The following UGT1A7 variants were observed in gnomAD, a reference collection of about 807,000 sequenced individuals.
UGT1A7 encodes UDP-glucuronosyltransferase 1A7.
Under a neutral mutation model 45.6 loss-of-function variants are expected in UGT1A7, and 33 were observed. That is an observed-to-expected ratio of 0.72 (90% CI 0.55 to 0.97). The LOEUF is 0.97. Ranked by LOEUF, UGT1A7 falls within the 50% of genes least tolerant of loss-of-function variation. UGT1A7 has a pLI of 0.00. For synonymous variants in UGT1A7, 274 were observed against 250.6 expected (o/e 1.09, Z -0.88); for missense variants, 684 against 666.2 (o/e 1.03, Z -0.29).
At chr2:233,719,047 C>A in intron 1 of UGT1A7, 2 of 1,614,252 alleles carry the variant, frequency 1.2e-6, no homozygotes, top group Non-Finnish European at 1.7e-6. Flanking sequence ...AAATTTTTCA[C>A]CCTGACAGCC....
rs1047777533 is a variant in UGT1A7 at position 233,760,225 on chromosome 2, G to T, written c.856-6809G>T. ...AAACATTAACTTGGTGTATCGATTG[G>T]TTTTTGCCATATATATATATATAAG... On this transcript the variant is annotated intron_variant, in intron 1 of 4. Coordinates refer to ENST00000373426, the MANE Select transcript of UGT1A7 (RefSeq NM_019077.3). 3.2e-6 allele frequency: 5 copies of T among 1,585,120 alleles called. No individual in the cohort carries two copies. The African/African-American group carries it at 4.5e-5, about 14-fold the overall frequency.
chr2:233,760,258 G>C (rs1164776908), intron 1 of UGT1A7: 2 of 1,611,088 alleles, frequency 1.2e-6, no homozygotes, highest in Non-Finnish European at 1.7e-6. Context: ...AAGTAGGAGA[G>C]GGCGAACCTC....
chr2:233,725,707 A>G (rs1000435706), intron 1 of UGT1A7, among the ~76,000 whole-genome samples: 2 of 152,208 alleles, frequency 1.3e-5, no homozygotes, highest in Non-Finnish European at 2.9e-5. Flanking sequence ...GTAGTTAGTG[A>G]CTACCATATG....
rs993277218 is a variant in UGT1A7 at position 233,747,483 on chromosome 2, C to T, written c.856-19551C>T. 8 of 1,608,492 alleles carry T rather than the reference C, an allele frequency of 5.0e-6. No individual in the cohort carries two copies. The Admixed American group carries it at 5.0e-5, about 10-fold the overall frequency. Reference sequence around the variant, plus strand: ...TTCATGGACCCAGGATGAATTTGATCGCCTTGTGCTGGGCCACACTCAACT... The same window carrying T: ...TTCATGGACCCAGGATGAATTTGATTGCCTTGTGCTGGGCCACACTCAACT... On this transcript the variant is annotated intron_variant, in intron 1 of 4. Coordinates refer to ENST00000373426, the MANE Select transcript of UGT1A7 (RefSeq NM_019077.3).
intron 1 of UGT1A7, among the ~76,000 whole-genome samples, chr2:233,707,431 T>G (rs1252673203): frequency 1.3e-5 from 2 of 152,174 alleles, no homozygotes; most frequent in Non-Finnish European, 2.9e-5. Flanking sequence ...TTCTTTGCTT[T>G]TCTTTACAAT....
At chr2:233,744,493 T>G (rs1190368915) in intron 1 of UGT1A7, among the ~76,000 whole-genome samples, 2 of 152,058 alleles carry the variant, frequency 1.3e-5, no homozygotes, top group Admixed American at 1.3e-4. Context: ...GGCAATTTAG[T>G]AAGAATAAAC....
In UGT1A7 at chr2:233,772,637, A is replaced by G; in HGVS notation, c.*78A>G. ...AACTTGAAAACAGAATCAGTGTTAA[A>G]TTCATTTTATTCTTATTAAGGAAAT... On this transcript the variant is annotated 3_prime_UTR_variant, in exon 5 of 5. Transcript: ENST00000373426. The G allele has an allele frequency of 1.5e-5, 23 of 1,552,946 alleles. No individual in the cohort carries two copies. Among genetic ancestry groups the G allele is most frequent in the Non-Finnish European group, 2.0e-5 (23 of 1,148,470 alleles).
chr2:233,712,151 A>G (rs1476904352), intron 1 of UGT1A7, among the ~76,000 whole-genome samples: 5 of 152,214 alleles, frequency 3.3e-5, no homozygotes, highest in Non-Finnish European at 2.9e-5. Context: ...TCAGAAGAGG[A>G]ATTCAGACTG....
Position 233,718,901 on chromosome 2 carries a change from G to T in UGT1A7, c.855+36109G>T, listed in dbSNP as rs377204506. On this transcript the variant is annotated intron_variant, in intron 1 of 4. Coordinates refer to ENST00000373426, the MANE Select transcript of UGT1A7 (RefSeq NM_019077.3). Reference sequence around the variant, plus strand: ...TCCTCAGTGTCCAGCCCTGGGCTGAGAGTGGAAAGGTGTTGGTGGTGCCCA... The same window carrying T: ...TCCTCAGTGTCCAGCCCTGGGCTGATAGTGGAAAGGTGTTGGTGGTGCCCA... The T allele has an allele frequency of 2.5e-6, 4 of 1,613,936 alleles. No individual in the cohort carries two copies. The South Asian group carries it at 4.4e-5, about 18-fold the overall frequency.
chr2:233,720,461 C>T (rs1003798976), intron 1 of UGT1A7, among the ~76,000 whole-genome samples: 2 of 151,944 alleles, frequency 1.3e-5, no homozygotes, highest in African/African-American at 4.8e-5. Flanking sequence ...AAGCTGGGAC[C>T]AGTGATGAAT....
intron 1 of UGT1A7, among the ~76,000 whole-genome samples, chr2:233,752,746 AAAACAAAC>A (rs200752387): frequency 7.9e-5 from 12 of 152,308 alleles, no homozygotes; most frequent in East Asian, 1.9e-4. Context: ...CCCTGTCTCT[AAAACAAAC>A]AAACAAACAA....
intron 1 of UGT1A7, among the ~76,000 whole-genome samples, chr2:233,706,502 G>A (rs2075911233): frequency 6.6e-6 from 1 of 152,232 alleles, no homozygotes; most frequent in Non-Finnish European, 1.5e-5. Context: ...AGGCTGGTGT[G>A]ATGCTGAGGA....
In UGT1A7 at chr2:233,768,243, A is replaced by G. The variant is rs748989741; in HGVS notation, c.1099A>G (p.Ile367Val). 8 of 1,614,146 alleles carry G rather than the reference A, an allele frequency of 5.0e-6. No individual in the cohort carries two copies. In the South Asian group the frequency reaches 7.7e-5, roughly 16 times the overall value. Residue 367 changes from isoleucine (I) to valine (V), a missense_variant, in exon 4 of 5, where the codon ATC (isoleucine) becomes GTC (valine). Ile to Val is a conservative substitution (Grantham distance 29). Transcript: ENST00000373426. ...LLGHPMTRAF[I>V]THAGSHGVYE... is the part of the protein sequence containing the mutation. ...AGGTCACCCGATGACCCGTGCCTTT[A>G]TCACCCATGCTGGTTCCCATGGTGT...
rs781661199 is a variant in UGT1A7, at chr2:233,681,954, G to C, written c.17G>C (p.Trp6Ser). The C allele has an allele frequency of 3.7e-6, 6 of 1,613,888 alleles. No individual in the cohort carries two copies. The Admixed American group carries it at 6.7e-5, about 18-fold the overall frequency. The change falls in exon 1 of 5, where the codon TGG becomes TCG. Residue 6 changes from tryptophan (W) to serine (S), a missense_variant. Coordinates refer to ENST00000373426, the MANE Select transcript of UGT1A7 (RefSeq NM_019077.3). ...AGTTCTCTGATGGCTCGTGCAGGGT[G>C]GACTGGCCTCCTTCCCCTATATGTG... is the stretch of plus-strand genomic sequence containing the variant. MARAG[W>S]TGLLPLYVCL...
At chr2:233,757,561 T>TATATATATATATATATATATATATAC (rs71058576) in intron 1 of UGT1A7, among the ~76,000 whole-genome samples, 1 of 121,178 alleles carries the variant, frequency 8.3e-6, no homozygotes, top group Non-Finnish European at 1.7e-5. Context: ...TATATATATA[T>TATATATATATATATATATATATATAC]GTATATATGA....
At chr2:233,694,868 T>C (rs2075244485) in intron 1 of UGT1A7, among the ~76,000 whole-genome samples, 3 of 152,222 alleles carry the variant, frequency 2.0e-5, no homozygotes, top group Non-Finnish European at 4.4e-5. Flanking sequence ...ATAATATAGT[T>C]GTACACATTT....
rs371639452 is a variant in UGT1A7 at position 233,765,570 on chromosome 2, C to T, written c.856-1464C>T. 3.9e-5 allele frequency among the ~76,000 whole-genome samples: 6 copies of T among 151,906 alleles called. No individual in the cohort carries two copies. In the South Asian group the frequency reaches 1.0e-3, roughly 26 times the overall value. ...GAGTTGAACAGTGAGAATGCGTAGACGCAGGGAGGGGAACAACACACACCA... is the reference window on the plus strand; with the variant it reads ...GAGTTGAACAGTGAGAATGCGTAGATGCAGGGAGGGGAACAACACACACCA... On this transcript the variant is annotated intron_variant, in intron 1 of 4. Coordinates refer to ENST00000373426, the MANE Select transcript of UGT1A7 (RefSeq NM_019077.3).
chr2:233,718,957 A>T, intron 1 of UGT1A7: 1 of 1,614,184 alleles, frequency 6.2e-7, no homozygotes, highest in South Asian at 1.1e-5. Context: ...AGCATGCGGG[A>T]GGCCTTGCGG....
chr2:233,706,366 C>G (rs775485067), intron 1 of UGT1A7, among the ~76,000 whole-genome samples: 5 of 152,190 alleles, frequency 3.3e-5, no homozygotes, highest in Non-Finnish European at 5.9e-5. Flanking sequence ...CCAATTTAGG[C>G]CATTGTACAA....
Sources: gnomAD v4.1 joint callset for allele counts (sites outside exome capture counted in the v4.1 genomes callset) on GRCh38, gnomAD v4.1.1 for gene constraint, MANE v1.5 for transcripts, NCBI Gene and HGNC (gene_info 2026-07-23, HGNC 2026-07-21) for gene names.